Variants in MANBA observed in about 807,000 individuals in gnomAD.
MANBA encodes mannosidase beta.
MANBA carries 83 observed loss-of-function variants against 111.1 expected under a neutral mutation model. The observed-to-expected ratio is 0.75, with a 90% CI of 0.63 to 0.90. The LOEUF (loss-of-function observed/expected upper bound fraction) is 0.90, where lower values mean the gene tolerates loss of function less well. Among genes scored for constraint, MANBA ranks in the 40% least tolerant of loss-of-function variants. MANBA has a pLI of 0.00. For synonymous variants in MANBA, 370 were observed against 378.7 expected (o/e 0.98, Z 0.27); for missense variants, 1,036 against 1,069.0 (o/e 0.97, Z 0.43).
intron 5 of MANBA, among the ~76,000 whole-genome samples, chr4:102,711,138 G>T (rs548925063): frequency 1.6e-4 from 25 of 152,114 alleles, no homozygotes; most frequent in Non-Finnish European, 4.4e-5. Context: ...AAACTAAAAA[G>T]CTTCTTCACA....
At chr4:102,745,790 C>T (rs774753608) in intron 1 of MANBA, among the ~76,000 whole-genome samples, 2 of 152,228 alleles carry the variant, frequency 1.3e-5, no homozygotes, top group African/African-American at 2.4e-5. Flanking sequence ...CATTATCTCA[C>T]ACCCTTAATA....
At chr4:102,656,704 A>C (rs1409274370) in intron 12 of MANBA, among the ~76,000 whole-genome samples, 2 of 152,244 alleles carry the variant, frequency 1.3e-5, no homozygotes, top group Non-Finnish European at 2.9e-5. Flanking sequence ...ATAAATAGAT[A>C]AACAAAACGT....
intron 1 of MANBA, among the ~76,000 whole-genome samples, chr4:102,732,429 C>G (rs1723064322): frequency 6.6e-6 from 1 of 152,216 alleles, no homozygotes; most frequent in Admixed American, 6.5e-5. Flanking sequence ...TGTCTAAGTT[C>G]CACACAGGTA....
chr4:102,675,006 T>C (rs1270529651), intron 7 of MANBA, among the ~76,000 whole-genome samples: 1 of 152,158 alleles, frequency 6.6e-6, no homozygotes, highest in East Asian at 1.9e-4. Context: ...AGAATTAACT[T>C]TACAAGAAGA....
intron 7 of MANBA, among the ~76,000 whole-genome samples, chr4:102,687,997 C>T (rs1018540021): frequency 2.0e-5 from 3 of 152,220 alleles, no homozygotes; most frequent in East Asian, 1.9e-4. Flanking sequence ...TGTTGCTGCT[C>T]GATTCAAAGG....
At chr4:102,711,565 T>C (rs72663150) in intron 5 of MANBA, among the ~76,000 whole-genome samples, 7 of 152,242 alleles carry the variant, frequency 4.6e-5, no homozygotes, top group African/African-American at 7.2e-5. Context: ...AAGAAACTAA[T>C]AGTAGAGTCA....
At chr4:102,644,339 T>C (rs1480854173) in intron 13 of MANBA, among the ~76,000 whole-genome samples, 1 of 152,124 alleles carries the variant, frequency 6.6e-6, no homozygotes, top group East Asian at 1.9e-4. Flanking sequence ...CACACTCCCA[T>C]GTTCATTACA....
chr4:102,671,638 ACT>A (rs1202049736), intron 8 of MANBA, among the ~76,000 whole-genome samples: 2 of 152,210 alleles, frequency 1.3e-5, no homozygotes, highest in Non-Finnish European at 2.9e-5. Flanking sequence ...ACATTATTAT[ACT>A]CTTTTTAAAA....
intron 13 of MANBA, among the ~76,000 whole-genome samples, chr4:102,640,747 C>T (rs1197563299): frequency 1.3e-5 from 2 of 152,034 alleles, no homozygotes; most frequent in Non-Finnish European, 2.9e-5. Context: ...AAGACTAAGT[C>T]GAGACGCTTT....
chr4:102,725,123 G>A (rs983969688), intron 2 of MANBA, among the ~76,000 whole-genome samples: 6 of 152,136 alleles, frequency 3.9e-5, no homozygotes, highest in African/African-American at 1.2e-4. Context: ...CTGCTAATGG[G>A]TGTAACTTTT....
At chr4:102,759,367 A>G in intron 1 of MANBA, among the ~76,000 whole-genome samples, 1 of 152,178 alleles carries the variant, frequency 6.6e-6, no homozygotes, top group Non-Finnish European at 1.5e-5. Context: ...GAGGAACCCT[A>G]CAAAATAAAC....
chr4:102,690,174 T>C (rs772383817), intron 6 of MANBA, among the ~76,000 whole-genome samples: 2 of 152,164 alleles, frequency 1.3e-5, no homozygotes, highest in South Asian at 2.1e-4. Context: ...TCTACCTTGA[T>C]ATATGAAAGA....
intron 1 of MANBA, among the ~76,000 whole-genome samples, chr4:102,749,397 G>A (rs1373160192): frequency 6.6e-6 from 1 of 152,196 alleles, no homozygotes; most frequent in African/African-American, 2.4e-5. Context: ...GGAGAATACA[G>A]AAAGAAGTGA....
rs140086314 is a variant in MANBA at position 102,631,177 on chromosome 4, A to G, written c.*880T>C. 1 of 151,838 alleles carries G rather than the reference A, an allele frequency of 6.6e-6. No homozygotes were observed. The highest frequency in any genetic ancestry group is 1.5e-5 in the Non-Finnish European group (1 of 68,090). 9.4% of individuals were successfully genotyped at this position (151,838 alleles called of 1,614,324 possible). On this transcript the variant is annotated 3_prime_UTR_variant, in exon 17 of 17. Transcript: ENST00000647097. Reference sequence around the variant, plus strand: ...GTACATATAAAATGAGGATACTCTTAGATACTGAAGAAGACTGGATTGTCT... The same window carrying G: ...GTACATATAAAATGAGGATACTCTTGGATACTGAAGAAGACTGGATTGTCT...
At chr4:102,709,697 A>G (rs1324902478) in intron 5 of MANBA, among the ~76,000 whole-genome samples, 2 of 152,168 alleles carry the variant, frequency 1.3e-5, no homozygotes, top group African/African-American at 4.8e-5. Context: ...ACAAGAAATA[A>G]ATAAAAGGAA....
intron 1 of MANBA, among the ~76,000 whole-genome samples, chr4:102,726,956 C>T (rs1301026160): frequency 6.6e-6 from 1 of 152,062 alleles, no homozygotes; most frequent in East Asian, 1.9e-4. Context: ...ATTGGCTTCC[C>T]CTTGGAGACA....
chr4:102,745,377 T>C (rs1723549548), intron 1 of MANBA, among the ~76,000 whole-genome samples: 1 of 152,286 alleles, frequency 6.6e-6, no homozygotes, highest in East Asian at 1.9e-4. Context: ...GTGACTGTTG[T>C]TCCCACCGTT....
intron 10 of MANBA, chr4:102,665,971 T>C (rs1731202432): frequency 6.6e-6 from 1 of 152,240 alleles, no homozygotes; most frequent in South Asian, 2.1e-4. Flanking sequence ...AAATTAAGTC[T>C]TGTGTTTTTC....
At chr4:102,757,841 C>G (rs1724085439) in intron 1 of MANBA, among the ~76,000 whole-genome samples, 1 of 152,218 alleles carries the variant, frequency 6.6e-6, no homozygotes, top group Non-Finnish European at 1.5e-5. Flanking sequence ...CAAAGTGTTT[C>G]CTATGGCTCA....
Sources: allele counts gnomAD v4.1 joint callset (sites outside exome capture counted in the v4.1 genomes callset), GRCh38; gene constraint gnomAD v4.1.1; transcripts MANE v1.5; gene names NCBI Gene and HGNC (gene_info 2026-07-23, HGNC 2026-07-21).